MCC: variants seen among roughly 807,000 people sequenced by gnomAD.
The protein encoded by MCC is colorectal mutant cancer protein.
A neutral mutation model predicts 116.2 loss-of-function variants in MCC; 90 were observed. That is an observed-to-expected ratio of 0.77 (90% CI 0.65 to 0.92). MCC has a LOEUF of 0.92. MCC is among the 40% of genes least tolerant of loss of function. The pLI is 0.00. For missense variants in MCC, 1,516 were observed against 1,312.2 expected (o/e 1.16, Z -2.40); for synonymous variants, 578 against 510.5 (o/e 1.13, Z -1.78).
At chr5:113,135,869 C>A (rs1241223266) in intron 5 of MCC, among the ~76,000 whole-genome samples, 1 of 152,014 alleles carries the variant, frequency 6.6e-6, no homozygotes, top group Non-Finnish European at 1.5e-5. Flanking sequence ...TATGGTGAAA[C>A]CCCATCTCTA....
chr5:113,107,817 G>A (rs1036500293), intron 6 of MCC, among the ~76,000 whole-genome samples: 4 of 152,174 alleles, frequency 2.6e-5, no homozygotes, highest in African/African-American at 4.8e-5. Context: ...CAGCAGAGCC[G>A]GAGTGGTGGC....
intron 2 of MCC, among the ~76,000 whole-genome samples, chr5:113,369,801 C>T (rs1366464469): frequency 1.3e-5 from 2 of 152,164 alleles, no homozygotes; most frequent in Non-Finnish European, 2.9e-5. Context: ...ACAAAATGTG[C>T]TTTTCATAAG....
chr5:113,483,137 C>T (rs10478125), intron 1 of MCC, among the ~76,000 whole-genome samples: 5,187 of 152,196 alleles, frequency 0.034, 319 homozygotes, highest in African/African-American at 0.12. Flanking sequence ...ATTTGTGTAT[C>T]GTTATGCTAG....
intron 1 of MCC, among the ~76,000 whole-genome samples, chr5:113,395,486 G>A (rs1198978744): frequency 6.6e-6 from 1 of 152,134 alleles, no homozygotes; most frequent in African/African-American, 2.4e-5. Context: ...GCTACTCTAT[G>A]TTCACCTTAT....
intron 3 of MCC, among the ~76,000 whole-genome samples, chr5:113,256,929 C>A (rs1422953787): frequency 6.6e-6 from 1 of 152,166 alleles, no homozygotes; most frequent in Non-Finnish European, 1.5e-5. Flanking sequence ...TTAAAACTCT[C>A]CTTGAGTTCT....
At chr5:113,458,149 TC>T (rs1469364225) in intron 1 of MCC, among the ~76,000 whole-genome samples, 11 of 152,134 alleles carry the variant, frequency 7.2e-5, no homozygotes, top group African/African-American at 2.4e-4. Flanking sequence ...CCCACTACGG[TC>T]CCCTTCCACA....
At chr5:113,299,561 C>T (rs569248089) in intron 3 of MCC, among the ~76,000 whole-genome samples, 2 of 152,214 alleles carry the variant, frequency 1.3e-5, no homozygotes, top group East Asian at 1.9e-4. Flanking sequence ...TGGACCAACT[C>T]GTCATGTCTT....
chr5:113,250,880 C>A (rs1319983155), intron 3 of MCC, among the ~76,000 whole-genome samples: 1 of 152,192 alleles, frequency 6.6e-6, no homozygotes, highest in African/African-American at 2.4e-5. Flanking sequence ...CCTAGGATAG[C>A]CTTAGAAAAA....
Position 113,339,226 on chromosome 5 carries a change from C to CAA in MCC, c.627+1291_627+1292dup, listed in dbSNP as rs766443939. On this transcript the variant is annotated intron_variant, in intron 3 of 18. Transcript: ENST00000408903. ...GGGCAACAAGAGCGAAACTCCATCT[C>CAA]AAAAAAAAAAACAAATAGTTTTAGA... is the stretch of plus-strand genomic sequence containing the variant. 1.0e-3 allele frequency among the ~76,000 whole-genome samples: 122 copies of CAA among 122,116 alleles called. 1 individual carries two copies. Among genetic ancestry groups the CAA allele is most frequent in the African/African-American group, 3.1e-3 (100 of 32,260 alleles). The allele number at this position is 122,116 out of a possible 152,430, so 80.1% of individuals were successfully genotyped here.
intron 3 of MCC, among the ~76,000 whole-genome samples, chr5:113,158,680 A>C (rs368269063): frequency 1.3e-5 from 2 of 152,352 alleles, no homozygotes; most frequent in East Asian, 3.9e-4. Context: ...GCAAACGAGG[A>C]AACCAAGGCA....
chr5:113,104,421 G>A, intron 6 of MCC, 66 bp from the exon 7 acceptor site: 1 of 1,437,136 alleles, frequency 7.0e-7, no homozygotes, highest in Non-Finnish European at 9.4e-7. Context: ...TGCTTACCAT[G>A]AGGGACTCAT....
At chr5:113,277,862 C>A (rs1054524744) in intron 3 of MCC, among the ~76,000 whole-genome samples, 1 of 152,168 alleles carries the variant, frequency 6.6e-6, no homozygotes, top group Non-Finnish European at 1.5e-5. Flanking sequence ...ACCAAAGATG[C>A]CCAAATCCTG....
intron 1 of MCC, among the ~76,000 whole-genome samples, chr5:113,475,593 T>A (rs1365232453): frequency 3.9e-5 from 6 of 152,328 alleles, no homozygotes; most frequent in African/African-American, 1.2e-4. Context: ...AAATGCCCTT[T>A]CTCTCCATAT....
chr5:113,359,171 C>T (rs892660486), intron 2 of MCC, among the ~76,000 whole-genome samples: 1 of 152,088 alleles, frequency 6.6e-6, no homozygotes, highest in African/African-American at 2.4e-5. Context: ...TTACACATAT[C>T]CTATCTAGGG....
intron 6 of MCC, among the ~76,000 whole-genome samples, chr5:113,117,890 G>C (rs1757484967): frequency 6.6e-6 from 1 of 152,214 alleles, no homozygotes; most frequent in South Asian, 2.1e-4. Context: ...AGGTGCTTGT[G>C]ATCACACAGC....
chr5:113,414,302 A>T (rs1219104512), intron 1 of MCC, among the ~76,000 whole-genome samples: 2 of 152,204 alleles, frequency 1.3e-5, no homozygotes, highest in Non-Finnish European at 2.9e-5. Context: ...TGCAGAGCTG[A>T]GTTCAAGTCC....
intron 1 of MCC, among the ~76,000 whole-genome samples, chr5:113,391,349 A>G (rs75200070): frequency 6.6e-6 from 1 of 152,224 alleles, no homozygotes; most frequent in African/African-American, 2.4e-5. Context: ...GAATTGTGAG[A>G]ATGAGAAGTG....
intron 3 of MCC, among the ~76,000 whole-genome samples, chr5:113,178,065 C>T (rs1293425122): frequency 6.6e-6 from 1 of 152,148 alleles, no homozygotes; most frequent in Admixed American, 6.5e-5. Context: ...TAAGAATGGA[C>T]CAAAACAGGG....
chr5:113,150,454 T>C (rs556179942), intron 4 of MCC, among the ~76,000 whole-genome samples: 1 of 151,898 alleles, frequency 6.6e-6, no homozygotes, highest in South Asian at 2.1e-4. Context: ...CTCCAGATAA[T>C]AGCCTACTAT....
Sources: gnomAD v4.1 joint callset for allele counts (sites outside exome capture counted in the v4.1 genomes callset) on GRCh38, gnomAD v4.1.1 for gene constraint, MANE v1.5 for transcripts, NCBI Gene and HGNC (gene_info 2026-07-23, HGNC 2026-07-21) for gene names.